Variants in ULK2 observed in about 807,000 individuals in gnomAD.
ULK2 encodes serine/threonine-protein kinase ULK2.
A neutral mutation model predicts 127.5 loss-of-function variants in ULK2; 76 were observed. The ratio of observed to expected loss-of-function variants is 0.60; its 90% CI spans 0.50 to 0.72. ULK2 has a LOEUF of 0.72. Ranked by LOEUF, ULK2 falls within the 30% of genes least tolerant of loss-of-function variation. The pLI, the probability that ULK2 is intolerant of heterozygous loss-of-function variation, is 0.00. For synonymous variants in ULK2, 452 were observed against 461.9 expected, an observed-to-expected ratio of 0.98 and a Z score of 0.28; for missense variants, 1,144 against 1,295.9, an observed-to-expected ratio of 0.88 and a Z score of 1.80.
At chr17:19,792,690 C>G (rs1296253572) in intron 20 of ULK2, among the ~76,000 whole-genome samples, 1 of 152,094 alleles carries the variant, frequency 6.6e-6, no homozygotes, top group African/African-American at 2.4e-5. Context: ...CCACTGCACT[C>G]TAGCCTGGGC....
Position 19,774,750 on chromosome 17 carries a change from CTT to C in ULK2, c.*1597_*1598del, listed in dbSNP as rs1412839479. On this transcript the variant is annotated 3_prime_UTR_variant, in exon 27 of 27. Transcript: ENST00000395544. ...TGTACCCAGCTACACCCTAGAAACA[CTT>C]TGTCAGTTTTATTTTACCTTAATAT... The C allele has an allele frequency of 6.6e-6, 1 of 152,564 alleles. No individual in the cohort carries two copies. The highest frequency in any genetic ancestry group is 1.9e-4 in the East Asian group (1 of 5,202). The allele number at this position is 152,564 out of a possible 1,614,324, so 9.5% of individuals were successfully genotyped here.
intron 3 of ULK2, among the ~76,000 whole-genome samples, chr17:19,856,561 G>A (rs140691418): frequency 0.027 from 4,086 of 151,598 alleles, 181 homozygotes; most frequent in African/African-American, 0.094. Context: ...TAGCCTGGGC[G>A]ACAGAGCGAG....
intron 8 of ULK2, among the ~76,000 whole-genome samples, chr17:19,841,939 G>A (rs866083737): frequency 3.6e-4 from 54 of 151,978 alleles, no homozygotes; most frequent in African/African-American, 1.3e-3. Flanking sequence ...ATAGATTAAG[G>A]ACCACTATTC....
rs895957417 is a variant in ULK2, at chr17:19,775,787, A to G, written c.*562T>C. 2 of 152,714 alleles carry G rather than the reference A, an allele frequency of 1.3e-5. No individual in the cohort carries two copies. The highest frequency in any genetic ancestry group is 2.9e-5 in the Non-Finnish European group (2 of 68,080). 9.5% of individuals were successfully genotyped at this position (152,714 alleles called of 1,614,324 possible). On this transcript the variant is annotated 3_prime_UTR_variant, in exon 27 of 27. Transcript: ENST00000395544. ...GAAAGATTTTGGAAGATTAACATGT[A>G]TCCATATTAGGATCAAATTGAAGAT...
At chr17:19,778,937 G>A (rs1055906551) in intron 25 of ULK2, among the ~76,000 whole-genome samples, 1 of 152,162 alleles carries the variant, frequency 6.6e-6, no homozygotes, top group Non-Finnish European at 1.5e-5. Flanking sequence ...TTTATTCTGA[G>A]AAGGAAAAAC....
At chr17:19,866,811 G>C (rs1012899084) in intron 1 of ULK2, among the ~76,000 whole-genome samples, 2 of 152,148 alleles carry the variant, frequency 1.3e-5, no homozygotes, top group South Asian at 2.1e-4. Context: ...TCTGACTCCG[G>C]GGGGGAAAAC....
At chr17:19,830,344 G>A (rs1286717801) in intron 10 of ULK2, among the ~76,000 whole-genome samples, 1 of 152,010 alleles carries the variant, frequency 6.6e-6, no homozygotes, top group East Asian at 1.9e-4. Flanking sequence ...GGAACTAAAG[G>A]TGCATACCAC....
intron 21 of ULK2, among the ~76,000 whole-genome samples, chr17:19,784,346 A>C (rs2086982390): frequency 1.3e-5 from 2 of 151,974 alleles, no homozygotes; most frequent in Non-Finnish European, 2.9e-5. Context: ...CTTCTTTTGA[A>C]TAATTTCTTT....
rs11456096 is a variant in ULK2, at chr17:19,799,579, CAAAAAA to C, written c.1442-10_1442-5del. 4.3e-5 allele frequency: 51 copies of C among 1,193,158 alleles called. No individual in the cohort carries two copies. The highest frequency in any genetic ancestry group is 9.0e-5 in the East Asian group (3 of 33,166). 73.9% of individuals were successfully genotyped at this position (1,193,158 alleles called of 1,614,324 possible). A position where few individuals can be genotyped will look rare whatever the true frequency, so the allele number is the denominator to read the frequency against. On this transcript the variant is annotated splice_region_variant and splice_polypyrimidine_tract_variant and intron_variant, in intron 16 of 26. Coordinates refer to ENST00000395544, the MANE Select transcript of ULK2 (RefSeq NM_014683.4). ...AATTGCTCAGGAATGGTACCAACTA[CAAAAAA>C]AAAAAAAAAAAAGATGGGGAAAGGA...
chr17:19,783,435 G>C (rs1299675072), intron 22 of ULK2, among the ~76,000 whole-genome samples: 1 of 152,032 alleles, frequency 6.6e-6, no homozygotes, highest in African/African-American at 2.4e-5. Context: ...CTGGGTGACA[G>C]AGCAAGACTC....
Position 19,799,579 on chromosome 17 carries a change from C to CCAA in ULK2, c.1442-5_1442-4insTTG. 8.4e-7 allele frequency: 1 copy of CCAA among 1,193,326 alleles called. No individual in the cohort carries two copies. The highest frequency in any genetic ancestry group is 2.3e-5 in the South Asian group (1 of 43,684). The allele number at this position is 1,193,326 out of a possible 1,614,324, so 73.9% of individuals were successfully genotyped here. A position where few individuals can be genotyped will look rare whatever the true frequency, so the allele number is the denominator to read the frequency against. ...AATTGCTCAGGAATGGTACCAACTA[C>CCAA]AAAAAAAAAAAAAAAAAAGATGGGG... is the stretch of plus-strand genomic sequence containing the variant. On this transcript the variant is annotated splice_region_variant and splice_polypyrimidine_tract_variant and intron_variant, in intron 16 of 26. Transcript: ENST00000395544.
chr17:19,800,552 C>CA (rs1455370524), intron 16 of ULK2, among the ~76,000 whole-genome samples: 1 of 152,154 alleles, frequency 6.6e-6, no homozygotes, highest in Non-Finnish European at 1.5e-5. Context: ...CATCTAAAAA[C>CA]AGCTTTGAAA....
chr17:19,799,161 A>C (rs1388200956), intron 17 of ULK2, among the ~76,000 whole-genome samples: 2 of 135,650 alleles, frequency 1.5e-5, no homozygotes, highest in Non-Finnish European at 3.1e-5. Context: ...ACTCCATTTC[A>C]AAAAAAAAAA....
chr17:19,795,403 G>A (rs537764362), intron 20 of ULK2, among the ~76,000 whole-genome samples: 10 of 128,684 alleles, frequency 7.8e-5, no homozygotes, highest in South Asian at 2.8e-4. Flanking sequence ...CATTAGTAAC[G>A]CACAGGCTGC....
intron 23 of ULK2, among the ~76,000 whole-genome samples, chr17:19,781,420 G>C (rs1349383824): frequency 6.6e-6 from 1 of 151,680 alleles, no homozygotes; most frequent in African/African-American, 2.4e-5. Flanking sequence ...GCTAATTTTT[G>C]TATTTTTTGT....
chr17:19,799,507 T>C lies in ULK2; in HGVS notation c.1510A>G (p.Arg504Gly), dbSNP rs1471118474. 6.3e-7 allele frequency: 1 copy of C among 1,578,392 alleles called. No individual in the cohort carries two copies. The change falls in exon 17 of 27, where the codon AGA (arginine) becomes GGA (glycine). Residue 504 changes from arginine (R) to glycine (G), a missense_variant. Transcript: ENST00000395544. ...GHPQGHDSRS[R>G]NSSGSPVPQA... The stretch of plus-strand genomic sequence containing the variant: ...TACATTATCCTACCTGAGGAGTTTC[T>C]ACTCCTGGAGTCATGGCCCTGAGGA...
Position 19,799,517 on chromosome 17 carries a change from G to A in ULK2, c.1500C>T (p.Asp500=), listed in dbSNP as rs746225461. The change falls in exon 17 of 27, where the codon GAC becomes GAT. Residue 500 remains aspartate, a synonymous_variant. Coordinates refer to ENST00000395544, the MANE Select transcript of ULK2 (RefSeq NM_014683.4). ...TACCTGAGGAGTTTCTACTCCTGGAGTCATGGCCCTGAGGATGCCCACAGC... is the reference window on the plus strand; with the variant it reads ...TACCTGAGGAGTTTCTACTCCTGGAATCATGGCCCTGAGGATGCCCACAGC... ...QCCCGHPQGH[D]SRSRNSSGSP... The A allele has an allele frequency of 3.8e-6, 6 of 1,580,090 alleles. No homozygotes were observed. In the Admixed American group the frequency reaches 7.5e-5, roughly 20 times the overall value.
chr17:19,864,188 C>T (rs1054576651), intron 3 of ULK2, among the ~76,000 whole-genome samples: 7 of 152,128 alleles, frequency 4.6e-5, no homozygotes, highest in African/African-American at 1.2e-4. Flanking sequence ...TCTATTTAGG[C>T]GGGGCGCAGT....
At chr17:19,820,333 C>T (rs1472896400) in intron 12 of ULK2, among the ~76,000 whole-genome samples, 2 of 152,192 alleles carry the variant, frequency 1.3e-5, no homozygotes, top group African/African-American at 2.4e-5. Flanking sequence ...AGGCGTGAGC[C>T]ACCGTGTCCG....
Sources: allele counts gnomAD v4.1 joint callset (sites outside exome capture counted in the v4.1 genomes callset), GRCh38; gene constraint gnomAD v4.1.1; transcripts MANE v1.5; gene names NCBI Gene and HGNC (gene_info 2026-07-23, HGNC 2026-07-21).